Variants in ASTN2 observed in about 807,000 individuals in gnomAD.
The protein encoded by ASTN2 is astrotactin-2.
ASTN2 carries 54 observed loss-of-function variants against 139.8 expected under a neutral mutation model. That is an observed-to-expected ratio of 0.39 (90% confidence interval 0.31 to 0.48). The LOEUF is 0.48. Ranked by LOEUF, ASTN2 falls within the 20% of genes least tolerant of loss-of-function variation. The pLI is 0.95. For missense variants in ASTN2, 1,565 were observed against 1,725.1 expected (o/e 0.91, Z 1.64); for synonymous variants, 756 against 719.5 (o/e 1.05, Z -0.81).
At chr9:116,650,916 T>A (rs1857870967) in intron 17 of ASTN2, among the ~76,000 whole-genome samples, 1 of 148,466 alleles carries the variant, frequency 6.7e-6, no homozygotes, top group African/African-American at 2.6e-5. Flanking sequence ...GTCCCTGCAC[T>A]ACTTTTTTTT....
chr9:116,666,949 C>CTTTTTTTTTTTTTTTTTTTTTTTTTT (rs34835904), intron 16 of ASTN2, among the ~76,000 whole-genome samples: 2 of 70,362 alleles, frequency 2.8e-5, no homozygotes, highest in Non-Finnish European at 4.9e-5. Flanking sequence ...TTTATTTATT[C>CTTTTTTTTTTTTTTTTTTTTTTTTTT]TTTTTTTTTT....
intron 13 of ASTN2, among the ~76,000 whole-genome samples, chr9:116,790,256 C>T (rs1178812039): frequency 6.6e-6 from 1 of 152,116 alleles, no homozygotes; most frequent in Non-Finnish European, 1.5e-5. Context: ...CCTCTTTCTC[C>T]TCTTCATAAT....
chr9:117,255,991 T>G (rs1320946127), intron 2 of ASTN2, among the ~76,000 whole-genome samples: 6 of 152,126 alleles, frequency 3.9e-5, no homozygotes. Flanking sequence ...AAAAGCAAAT[T>G]TGGTCTGAAT....
chr9:116,893,742 T>C (rs1833818999), intron 10 of ASTN2, among the ~76,000 whole-genome samples: 1 of 152,128 alleles, frequency 6.6e-6, no homozygotes, highest in Admixed American at 6.6e-5. Flanking sequence ...TATTTCCCTT[T>C]ATGCAACAGG....
intron 2 of ASTN2, among the ~76,000 whole-genome samples, chr9:117,216,813 G>A (rs1032024760): frequency 6.6e-6 from 1 of 152,078 alleles, no homozygotes; most frequent in Non-Finnish European, 1.5e-5. Context: ...AGAGAGGAAA[G>A]GGCTGGGGGC....
At chr9:117,063,879 T>A (rs950797221) in intron 5 of ASTN2, among the ~76,000 whole-genome samples, 8 of 152,106 alleles carry the variant, frequency 5.3e-5, no homozygotes, top group Non-Finnish European at 1.2e-4. Flanking sequence ...CCACAAGTGC[T>A]AGATGAAAGC....
intron 2 of ASTN2, among the ~76,000 whole-genome samples, chr9:117,275,186 A>G (rs994669638): frequency 2.6e-5 from 4 of 152,170 alleles, no homozygotes; most frequent in African/African-American, 9.7e-5. Flanking sequence ...TTTTTCTATC[A>G]ACAGTGTTTT....
In ASTN2 at chr9:117,155,085, A is replaced by G. The variant is rs139257958; in HGVS notation, c.1016-13607T>C. On this transcript the variant is annotated intron_variant, in intron 3 of 22. Coordinates refer to ENST00000313400, the MANE Select transcript of ASTN2 (RefSeq NM_001365068.1). ...AAGAGATCAAACTGTGGAGTGCTGG[A>G]CTGTCCCAAGCATGTATGGAGGCTG... Among the ~76,000 whole-genome samples the G allele has an allele frequency of 9.2e-5, 14 of 152,090 alleles. No individual in the cohort carries two copies. In the East Asian group the frequency reaches 2.5e-3, roughly 27 times the overall value.
chr9:116,528,566 A>T (rs1461707574), intron 19 of ASTN2, among the ~76,000 whole-genome samples: 1 of 152,360 alleles, frequency 6.6e-6, no homozygotes. Flanking sequence ...TCAAGCCATC[A>T]GCTGCAAAAA....
chr9:117,016,167 G>T (rs1240529883), intron 6 of ASTN2, among the ~76,000 whole-genome samples: 2 of 152,038 alleles, frequency 1.3e-5, no homozygotes, highest in African/African-American at 4.8e-5. Flanking sequence ...CCCTTTTGCA[G>T]AGATAAGGAA....
At chr9:116,490,084 T>C (rs1437405274) in intron 19 of ASTN2, among the ~76,000 whole-genome samples, 1 of 151,914 alleles carries the variant, frequency 6.6e-6, no homozygotes, top group African/African-American at 2.4e-5. Flanking sequence ...GAAACAAAGA[T>C]GCCTAGAACC....
chr9:116,574,281 C>T (rs140375833), intron 19 of ASTN2, among the ~76,000 whole-genome samples: 1 of 152,250 alleles, frequency 6.6e-6, no homozygotes, highest in East Asian at 1.9e-4. Flanking sequence ...GACAGCCAGC[C>T]CATGGGTCCT....
chr9:117,299,355 T>A (rs1164519022), intron 1 of ASTN2, among the ~76,000 whole-genome samples: 1 of 152,224 alleles, frequency 6.6e-6, no homozygotes, highest in East Asian at 1.9e-4. Context: ...CTCAGGAGCT[T>A]AGTCCAAGGG....
At chr9:117,282,464 C>G (rs897022893) in intron 2 of ASTN2, among the ~76,000 whole-genome samples, 1 of 152,188 alleles carries the variant, frequency 6.6e-6, no homozygotes, top group African/African-American at 2.4e-5. Flanking sequence ...ACTAATGGGA[C>G]AGGGATGAAG....
intron 19 of ASTN2, among the ~76,000 whole-genome samples, chr9:116,606,337 G>C (rs1432549802): frequency 6.6e-6 from 1 of 152,150 alleles, no homozygotes; most frequent in Non-Finnish European, 1.5e-5. Flanking sequence ...GACAGGGAGG[G>C]AGAGTGAGCA....
chr9:117,077,066 C>T (rs1415210866), intron 5 of ASTN2, among the ~76,000 whole-genome samples: 3 of 152,064 alleles, frequency 2.0e-5, no homozygotes, highest in East Asian at 1.9e-4. Context: ...TGCATGGTAA[C>T]GAGCCGTTTG....
intron 5 of ASTN2, among the ~76,000 whole-genome samples, chr9:117,049,464 G>A (rs974505530): frequency 6.6e-6 from 1 of 152,092 alleles, no homozygotes; most frequent in Admixed American, 6.6e-5. Context: ...CGGAAAAAAC[G>A]ATCTAGTTTA....
At chr9:116,718,292 T>C (rs1828370098) in intron 16 of ASTN2, among the ~76,000 whole-genome samples, 2 of 152,096 alleles carry the variant, frequency 1.3e-5, no homozygotes, top group Non-Finnish European at 2.9e-5. Flanking sequence ...AAGGTCAGTA[T>C]GACAAAACGG....
At chr9:117,074,674 A>T (rs949492540) in intron 5 of ASTN2, among the ~76,000 whole-genome samples, 8 of 152,210 alleles carry the variant, frequency 5.3e-5, no homozygotes, top group Admixed American at 5.2e-4. Context: ...CCACAGTAGC[A>T]GCTGCTTTGA....
Sources: allele counts gnomAD v4.1 joint callset (sites outside exome capture counted in the v4.1 genomes callset), GRCh38; gene constraint gnomAD v4.1.1; transcripts MANE v1.5; gene names NCBI Gene and HGNC (gene_info 2026-07-23, HGNC 2026-07-21).